The following PBX4 variants were observed in gnomAD, a reference collection of about 807,000 sequenced individuals.
PBX4 encodes the protein pre-B-cell leukemia transcription factor 4.
Under a neutral mutation model 35.1 loss-of-function variants are expected in PBX4, and 26 were observed. That is an observed-to-expected ratio of 0.74 (90% CI 0.54 to 1.03). The LOEUF is 1.03. PBX4 is among the 50% of genes least tolerant of loss of function. PBX4 has a pLI of 0.00. For missense variants in PBX4, 448 were observed against 504.3 expected (o/e 0.89, Z 1.07); for synonymous variants, 199 against 204.2 (o/e 0.97, Z 0.22).
chr19:19,568,596 A>G (rs113383489), intron 5 of PBX4, among the ~76,000 whole-genome samples: 169 of 78,642 alleles, frequency 2.1e-3, no homozygotes, highest in Middle Eastern at 0.026. Context: ...CCCTCAGGGA[A>G]CTCACACTCC....
intron 2 of PBX4, among the ~76,000 whole-genome samples, chr19:19,577,730 G>A (rs1329657038): frequency 7.2e-5 from 11 of 152,056 alleles, no homozygotes; most frequent in East Asian, 3.9e-4. Flanking sequence ...GTGGTGGCGC[G>A]TGCCTGTAGT....
intron 2 of PBX4, among the ~76,000 whole-genome samples, chr19:19,584,812 G>A (rs569592705): frequency 5.9e-5 from 9 of 151,884 alleles, no homozygotes; most frequent in Admixed American, 2.0e-4. Flanking sequence ...TTTTAGTAGA[G>A]ATGGGGTTTC....
At chr19:19,613,628 C>G (rs957891104) in intron 1 of PBX4, among the ~76,000 whole-genome samples, 2 of 152,114 alleles carry the variant, frequency 1.3e-5, no homozygotes, top group African/African-American at 2.4e-5. Context: ...AGCAATATCC[C>G]GGTCTGGAAA....
At chr19:19,571,844 C>T (rs1359889192) in intron 2 of PBX4, among the ~76,000 whole-genome samples, 3 of 151,752 alleles carry the variant, frequency 2.0e-5, no homozygotes, top group Non-Finnish European at 4.4e-5. Context: ...ATCAGCCTGG[C>T]CAACATGGTG....
At chr19:19,588,414 C>T (rs1156242301) in intron 2 of PBX4, 11 of 1,314,626 alleles carry the variant, frequency 8.4e-6, no homozygotes, top group Middle Eastern at 1.9e-4. Context: ...GATGTTTAGC[C>T]ATAGTTCCCA....
intron 1 of PBX4, among the ~76,000 whole-genome samples, chr19:19,608,934 A>T (rs1245350382): frequency 6.6e-6 from 1 of 152,232 alleles, no homozygotes; most frequent in Non-Finnish European, 1.5e-5. Flanking sequence ...ATCTCCTTTC[A>T]GAACTCACTG....
chr19:19,574,335 G>T (rs568988511), intron 2 of PBX4, among the ~76,000 whole-genome samples: 1 of 152,184 alleles, frequency 6.6e-6, no homozygotes, highest in South Asian at 2.1e-4. Context: ...CTTCATAGAC[G>T]CCCTCCTCTG....
intron 2 of PBX4, chr19:19,588,054 T>A: frequency 1.5e-6 from 1 of 665,428 alleles, no homozygotes; most frequent in Non-Finnish European, 2.7e-6. Flanking sequence ...AGCAGCTTGA[T>A]GTGGGGCGGT....
intron 5 of PBX4, among the ~76,000 whole-genome samples, chr19:19,568,011 G>A (rs1477385977): frequency 6.7e-6 from 1 of 150,314 alleles, no homozygotes; most frequent in African/African-American, 2.4e-5. Flanking sequence ...AATCACCTCA[G>A]GGAACTCACA....
intron 2 of PBX4, among the ~76,000 whole-genome samples, chr19:19,589,570 A>C (rs2061513563): frequency 6.6e-6 from 1 of 152,016 alleles, no homozygotes; most frequent in African/African-American, 2.4e-5. Context: ...AGGAGTTCGA[A>C]ACCAGCCTGG....
chr19:19,563,287 C>T lies in PBX4; in HGVS notation c.1032+222G>A, dbSNP rs1244514536. 6.6e-6 allele frequency among the ~76,000 whole-genome samples: 1 copy of T among 152,168 alleles called. No homozygotes were observed. The highest frequency in any genetic ancestry group is 2.4e-5 in the African/African-American group (1 of 41,442). ...TTGGGGTTCATCCCCACTGACTGTT[C>T]CCAGCGGCTGCCGTGGTGACAAGTG... On this transcript the variant is annotated intron_variant, in intron 7 of 7. Transcript: ENST00000251203. The surrounding 1 kb of genome is among the most constrained non-coding windows in gnomAD (Gnocchi z 5.1).
Position 19,618,606 on chromosome 19 carries a change from CGCGGGGCGCG to C in PBX4, c.14_23del (p.Pro5ArgfsTer37). On this transcript the variant is annotated frameshift_variant, in exon 1 of 8. Transcript: ENST00000251203. LOFTEE classifies it high-confidence loss of function. ...GGCGCCGCGGGGCGGGGGGCGATGG[CGCGGGGCGCG>C]GCGGGGCGGCCATGAGCGGCAGGGC... is the stretch of plus-strand genomic sequence containing the variant. 1 of 1,266,790 alleles carries C rather than the reference CGCGGGGCGCG, an allele frequency of 7.9e-7. No homozygotes were observed. Among genetic ancestry groups the C allele is most frequent in the Non-Finnish European group, 1.0e-6 (1 of 1,004,754 alleles). The allele number at this position is 1,266,790 out of a possible 1,614,324, so 78.5% of individuals were successfully genotyped here.
chr19:19,574,321 GTC>G (rs2061405920), intron 2 of PBX4, among the ~76,000 whole-genome samples: 1 of 152,208 alleles, frequency 6.6e-6, no homozygotes, highest in Non-Finnish European at 1.5e-5. Context: ...GCTTGGCCCT[GTC>G]TCTTCATAGA....
intron 1 of PBX4, among the ~76,000 whole-genome samples, chr19:19,604,896 G>C (rs946279596): frequency 6.6e-6 from 1 of 151,740 alleles, no homozygotes; most frequent in East Asian, 1.9e-4. Context: ...CACCATGCCC[G>C]GCCATGTTAG....
At chr19:19,605,791 A>G (rs2061627339) in intron 1 of PBX4, among the ~76,000 whole-genome samples, 1 of 151,280 alleles carries the variant, frequency 6.6e-6, no homozygotes, top group African/African-American at 2.4e-5. Context: ...TTTAACAATA[A>G]GAGGAAAGAA....
chr19:19,594,729 C>CA lies in PBX4; in HGVS notation c.193+4562_193+4563insT, dbSNP rs1555738729. Among the ~76,000 whole-genome samples, 7 of 147,054 alleles carry CA rather than the reference C, an allele frequency of 4.8e-5. No homozygotes were observed. In the East Asian group the frequency reaches 1.4e-3, roughly 29 times the overall value. Reference sequence around the variant, plus strand: ...CCTGAGACTACAGTTGATTAAAGTACTTTTTTTTTTTAGACAGGGTCTCAC... The same window carrying CA: ...CCTGAGACTACAGTTGATTAAAGTACATTTTTTTTTTTAGACAGGGTCTCAC... On this transcript the variant is annotated intron_variant, in intron 2 of 7. Coordinates refer to ENST00000251203, the MANE Select transcript of PBX4 (RefSeq NM_025245.3).
chr19:19,615,958 T>A (rs892817946), intron 1 of PBX4, among the ~76,000 whole-genome samples: 2 of 152,116 alleles, frequency 1.3e-5, no homozygotes, highest in Non-Finnish European at 2.9e-5. Flanking sequence ...GCCTCTTCCT[T>A]CCTAGGACTG....
At chr19:19,606,642 T>C (rs16994684) in intron 1 of PBX4, 11,008 of 152,094 alleles carry the variant, frequency 0.072, 575 homozygotes, top group East Asian at 0.25. Context: ...ATGGGGACCG[T>C]TGGGAGAAAA....
chr19:19,574,311 G>A (rs2061405865), intron 2 of PBX4, among the ~76,000 whole-genome samples: 1 of 152,198 alleles, frequency 6.6e-6, no homozygotes, highest in African/African-American at 2.4e-5. Flanking sequence ...TATCACTCAA[G>A]CTTGGCCCTG....
Sources: allele counts gnomAD v4.1 joint callset (sites outside exome capture counted in the v4.1 genomes callset), GRCh38; gene constraint gnomAD v4.1.1; non-coding constraint Gnocchi (gnomAD v3.1); transcripts MANE v1.5; gene names NCBI Gene and HGNC (gene_info 2026-07-23, HGNC 2026-07-21).